The following FAP variants were observed in gnomAD, a reference collection of about 807,000 sequenced individuals.
FAP encodes fibroblast activation protein alpha.
Under a neutral mutation model 126.5 loss-of-function variants are expected in FAP, and 110 were observed. The ratio of observed to expected loss-of-function variants is 0.87; its 90% CI spans 0.74 to 1.02. The LOEUF is 1.02. Ranked by LOEUF, FAP falls within the 50% of genes least tolerant of loss-of-function variation. FAP has a pLI of 0.00. For synonymous variants in FAP, 334 were observed against 297.3 expected (o/e 1.12, Z -1.27); for missense variants, 919 against 909.2 (o/e 1.01, Z -0.14).
intron 11 of FAP, among the ~76,000 whole-genome samples, chr2:162,212,562 C>T (rs944186846): frequency 4.6e-5 from 7 of 152,100 alleles, no homozygotes; most frequent in African/African-American, 1.4e-4. Context: ...TATTTTTAGC[C>T]TGAGTAATGT....
At chr2:162,207,039 G>A (rs1336195365) in intron 12 of FAP, among the ~76,000 whole-genome samples, 1 of 152,152 alleles carries the variant, frequency 6.6e-6, no homozygotes, top group Non-Finnish European at 1.5e-5. Context: ...CGACTAGCTT[G>A]TATACTTTAT....
chr2:162,179,806 A>ATTTT (rs1559761562), intron 21 of FAP, among the ~76,000 whole-genome samples: 1 of 138,840 alleles, frequency 7.2e-6, no homozygotes, highest in African/African-American at 2.8e-5. Context: ...ATATATATAT[A>ATTTT]TATATATTTT....
intron 8 of FAP, among the ~76,000 whole-genome samples, chr2:162,218,561 T>TTAGA (rs3217172): frequency 0.16 from 23,788 of 148,452 alleles, 1,847 homozygotes; most frequent in Non-Finnish European, 0.17. Context: ...CACAGTTAGT[T>TTAGA]TAGATAGATA....
rs1370823243 is a variant in FAP, at chr2:162,216,007, A to G, written c.763-6T>C. On this transcript the variant is annotated splice_polypyrimidine_tract_variant and splice_region_variant and intron_variant, in intron 9 of 25. Coordinates refer to ENST00000188790, the MANE Select transcript of FAP (RefSeq NM_004460.5). ...ACGGGATTCTTAGCTCCAGCCTGCC[A>G]AGAAAATTGAGATATATAAGCTCAT... is the stretch of plus-strand genomic sequence containing the variant. 2.5e-6 allele frequency: 4 copies of G among 1,607,236 alleles called. No individual in the cohort carries two copies.
intron 9 of FAP, 98 bp from the exon 10 acceptor site, chr2:162,216,099 C>T (rs1689151896): frequency 2.4e-6 from 2 of 822,156 alleles, no homozygotes; most frequent in African/African-American, 1.7e-5. Context: ...TCTAAGCGAA[C>T]AATCTTATGT....
chr2:162,207,804 A>G (rs1688767008), intron 12 of FAP, among the ~76,000 whole-genome samples: 1 of 150,120 alleles, frequency 6.7e-6, no homozygotes, highest in Non-Finnish European at 1.5e-5. Context: ...TCCGCCTCCC[A>G]GGTTCACGCC....
chr2:162,236,737 A>G (rs995026679), intron 2 of FAP, among the ~76,000 whole-genome samples: 2 of 152,108 alleles, frequency 1.3e-5, no homozygotes, highest in East Asian at 1.9e-4. Context: ...CCTCCTGAGT[A>G]GCAGAGGTTA....
chr2:162,200,420 C>T (rs2106244312), intron 15 of FAP, 146 bp downstream of exon 15: 220 of 521,470 alleles, frequency 4.2e-4, no homozygotes, highest in South Asian at 1.1e-3. Flanking sequence ...TTTTTTATAC[C>T]CATTCTCCAA....
intron 11 of FAP, among the ~76,000 whole-genome samples, chr2:162,213,457 GATA>G (rs1199292071): frequency 6.8e-6 from 1 of 147,598 alleles, no homozygotes; most frequent in East Asian, 1.9e-4. Context: ...GCTTTCTTTT[GATA>G]ATATCCATTT....
At chr2:162,220,680 C>T (rs1441231377) in intron 6 of FAP, among the ~76,000 whole-genome samples, 3 of 152,186 alleles carry the variant, frequency 2.0e-5, no homozygotes, top group Non-Finnish European at 4.4e-5. Context: ...TTGGCCAAAA[C>T]TCTCACTTTG....
chr2:162,173,024 A>G, intron 24 of FAP, 125 bp downstream of exon 24: 1 of 1,117,820 alleles, frequency 8.9e-7, no homozygotes, highest in Non-Finnish European at 1.4e-6. Flanking sequence ...ACACTCAGAT[A>G]TGGAAATGTC....
At chr2:162,202,791 A>C in intron 14 of FAP, 81 bp downstream of exon 14, 4 of 979,560 alleles carry the variant, frequency 4.1e-6, no homozygotes, top group Non-Finnish European at 4.7e-6. Context: ...TTCTTAACTA[A>C]GAGAGTTGGT....
intron 11 of FAP, among the ~76,000 whole-genome samples, chr2:162,211,913 GCACA>G (rs142013685): frequency 6.6e-6 from 1 of 150,910 alleles, no homozygotes; most frequent in Non-Finnish European, 1.5e-5. Flanking sequence ...AAGTGTGTGC[GCACA>G]CACACACACA....
intron 2 of FAP, among the ~76,000 whole-genome samples, chr2:162,238,613 T>G (rs1690229443): frequency 6.6e-6 from 1 of 152,168 alleles, no homozygotes; most frequent in Admixed American, 6.5e-5. Flanking sequence ...TTTTAGACTT[T>G]CCCATATTTT....
At chr2:162,239,886 A>G (rs1257246349) in intron 2 of FAP, among the ~76,000 whole-genome samples, 2 of 152,164 alleles carry the variant, frequency 1.3e-5, no homozygotes, top group Non-Finnish European at 2.9e-5. Context: ...TTTGTGTAGA[A>G]TTTACCTGCA....
intron 25 of FAP, chr2:162,172,562 A>T (rs1316391444): frequency 4.9e-6 from 2 of 408,706 alleles, no homozygotes; most frequent in Non-Finnish European, 4.5e-6. Flanking sequence ...GAACTAGAAG[A>T]TCATTTAATC....
chr2:162,219,754 T>A, intron 7 of FAP, 99 bp downstream of exon 7: 1 of 760,938 alleles, frequency 1.3e-6, no homozygotes, highest in Non-Finnish European at 2.2e-6. Context: ...CATGAATGTA[T>A]TTTTTTTTCT....
At chr2:162,242,804 T>C (rs1240760267) in intron 2 of FAP, 104 bp downstream of exon 2, 7 of 791,780 alleles carry the variant, frequency 8.8e-6, no homozygotes, top group South Asian at 5.0e-5. Context: ...CAGACTTACT[T>C]TGGAACATAA....
chr2:162,205,223 G>T (rs1324830228), intron 12 of FAP, among the ~76,000 whole-genome samples: 1 of 152,024 alleles, frequency 6.6e-6, no homozygotes, highest in Non-Finnish European at 1.5e-5. Context: ...TCTTTAAAAT[G>T]AAAAAATGGA....
Sources: allele counts gnomAD v4.1 joint callset (sites outside exome capture counted in the v4.1 genomes callset), GRCh38; gene constraint gnomAD v4.1.1; transcripts MANE v1.5; gene names NCBI Gene and HGNC (gene_info 2026-07-23, HGNC 2026-07-21).